NALCN: variants seen among roughly 807,000 people sequenced by gnomAD.
NALCN encodes sodium leak channel, non-selective.
NALCN carries 111 observed loss-of-function variants against 225.3 expected under a neutral mutation model. The observed-to-expected ratio is 0.49, with a 90% CI of 0.42 to 0.58. The LOEUF (loss-of-function observed/expected upper bound fraction) is 0.58, where lower values mean the gene tolerates loss of function less well. NALCN is among the 20% of genes least tolerant of loss of function. The pLI, the probability that NALCN is intolerant of heterozygous loss-of-function variation, is 0.00. For synonymous variants in NALCN, 764 were observed against 769.0 expected (o/e 0.99, Z 0.11); for missense variants, 1,378 against 2,202.4 (o/e 0.63, Z 7.49).
chr13:101,238,066 A>G (rs1016170091), intron 11 of NALCN, 144 bp from the exon 12 acceptor site: 1 of 628,122 alleles, frequency 1.6e-6, no homozygotes, highest in Non-Finnish European at 2.7e-6. Flanking sequence ...ATTTTACTTT[A>G]AGAATGCATT....
rs2044365971 is a variant in NALCN at position 101,312,031 on chromosome 13, T to A, written c.800-19665A>T. 2.0e-5 allele frequency among the ~76,000 whole-genome samples: 3 copies of A among 152,350 alleles called. No homozygotes were observed. In the South Asian group the frequency reaches 6.2e-4, roughly 32 times the overall value. The stretch of plus-strand genomic sequence containing the variant: ...GGTAAGCTATTGATTATTGCCACAA[T>A]TTCAGAGCCTGTTATTGGTCTATTC... On this transcript the variant is annotated intron_variant, in intron 7 of 43. Coordinates refer to ENST00000251127, the MANE Select transcript of NALCN (RefSeq NM_052867.4).
chr13:101,373,613 G>T (rs1032484074), intron 6 of NALCN, among the ~76,000 whole-genome samples: 2 of 152,120 alleles, frequency 1.3e-5, no homozygotes, highest in African/African-American at 4.8e-5. Flanking sequence ...AGGAATTAAA[G>T]GTAACTTCCT....
chr13:101,132,887 C>T (rs2036585614), intron 17 of NALCN, among the ~76,000 whole-genome samples: 1 of 152,116 alleles, frequency 6.6e-6, no homozygotes, highest in African/African-American at 2.4e-5. Flanking sequence ...ATTCTCACAT[C>T]CTAATGCAAA....
Position 101,176,384 on chromosome 13 carries a change from GGT to G in NALCN, c.1765-12_1765-11del, listed in dbSNP as rs1301032114. The G allele has an allele frequency of 1.3e-6, 2 of 1,580,140 alleles. No homozygotes were observed. On this transcript the variant is annotated splice_polypyrimidine_tract_variant and intron_variant, in intron 14 of 43. Coordinates refer to ENST00000251127, the MANE Select transcript of NALCN (RefSeq NM_052867.4). ...ACAAACTCAGGAGGATCTATAAAAT[GGT>G]GAAATAACAATGAAAAAACCCACAT...
At chr13:101,156,524 T>G (rs2037909954) in intron 15 of NALCN, among the ~76,000 whole-genome samples, 1 of 151,868 alleles carries the variant, frequency 6.6e-6, no homozygotes, top group Admixed American at 6.6e-5. Context: ...CAACCATATG[T>G]ATGCAGGTAT....
rs777751467 is a variant in NALCN, at chr13:101,284,008, T to G, written c.1059A>C (p.Glu353Asp). The G allele has an allele frequency of 2.5e-6, 4 of 1,613,266 alleles. No individual in the cohort carries two copies. The East Asian group carries it at 8.9e-5, about 36-fold the overall frequency. ...TSTATTQMFH[E>D]DAAGGWQLVA... ...CCAGCTGCCAACCTCCAGCAGCATCTTCATGAAACATCTTCAAGACAAAGA... is the reference window on the plus strand; with the variant it reads ...CCAGCTGCCAACCTCCAGCAGCATCGTCATGAAACATCTTCAAGACAAAGA... Residue 353 changes from glutamate to aspartate, a missense_variant, in exon 10 of 44, where the codon GAA becomes GAC. By Grantham distance (45) the Glu-to-Asp change is conservative (BLOSUM62 2). This residue lies in a region of NALCN where 144 missense variants were observed against 187.7 expected (regional missense o/e 0.77). Coordinates refer to ENST00000251127, the MANE Select transcript of NALCN (RefSeq NM_052867.4).
At chr13:101,344,302 A>C (rs1201593044) in intron 7 of NALCN, among the ~76,000 whole-genome samples, 1 of 152,176 alleles carries the variant, frequency 6.6e-6, no homozygotes, top group Non-Finnish European at 1.5e-5. Context: ...ATAGGAGACA[A>C]TATTACTGGT....
At chr13:101,226,877 C>G (rs1356106676) in intron 13 of NALCN, among the ~76,000 whole-genome samples, 1 of 152,188 alleles carries the variant, frequency 6.6e-6, no homozygotes, top group Admixed American at 6.5e-5. Flanking sequence ...CACTTTCCTC[C>G]ATGCTGGCTC....
intron 10 of NALCN, among the ~76,000 whole-genome samples, chr13:101,271,600 C>T (rs934686433): frequency 2.1e-5 from 3 of 145,466 alleles, no homozygotes; most frequent in Admixed American, 1.4e-4. Context: ...AATGTGTGTG[C>T]GCCTGTGTGT....
intron 1 of NALCN, among the ~76,000 whole-genome samples, chr13:101,402,804 G>A (rs2047513163): frequency 6.6e-6 from 1 of 152,174 alleles, no homozygotes; most frequent in African/African-American, 2.4e-5. Context: ...AGCGACATGA[G>A]CCAGGCATCC....
chr13:101,057,962 A>G lies in NALCN; in HGVS notation c.5000T>C (p.Phe1667Ser). The change falls in exon 43 of 44, where the codon TTT becomes TCT. Residue 1667 changes from phenylalanine (F) to serine (S), a missense_variant. Physicochemically the swap from Phe to Ser is radical, Grantham distance 155 (BLOSUM62 -2). Coordinates refer to ENST00000251127, the MANE Select transcript of NALCN (RefSeq NM_052867.4). ...AADAGKPQRK[F>S]GQWRLPSAPK... ...ACCTGAGGGCAGACGCCACTGCCCAAATTTCCTCTGGGGTTTCCCTGCGTC... is the reference window on the plus strand; with the variant it reads ...ACCTGAGGGCAGACGCCACTGCCCAGATTTCCTCTGGGGTTTCCCTGCGTC... 6.2e-7 allele frequency: 1 copy of G among 1,613,956 alleles called. No homozygotes were observed. Among genetic ancestry groups the G allele is most frequent in the Non-Finnish European group, 8.5e-7 (1 of 1,180,002 alleles).
intron 7 of NALCN, among the ~76,000 whole-genome samples, chr13:101,313,783 C>G (rs1411294302): frequency 6.6e-6 from 1 of 152,090 alleles, no homozygotes; most frequent in African/African-American, 2.4e-5. Flanking sequence ...ACTAGAAATA[C>G]CATTTGACCC....
intron 40 of NALCN, among the ~76,000 whole-genome samples, chr13:101,065,062 T>A (rs1198174803): frequency 1.3e-5 from 2 of 152,114 alleles, no homozygotes; most frequent in Non-Finnish European, 2.9e-5. Flanking sequence ...GTCACTCAGC[T>A]CTTCTGGGCA....
intron 14 of NALCN, among the ~76,000 whole-genome samples, chr13:101,183,490 C>T (rs1220197929): frequency 2.6e-5 from 4 of 152,176 alleles, no homozygotes; most frequent in Admixed American, 1.3e-4. Flanking sequence ...GGCAGAGTCT[C>T]TCTCTGTCCC....
At chr13:101,362,491 A>G (rs1250114928) in intron 6 of NALCN, among the ~76,000 whole-genome samples, 2 of 152,122 alleles carry the variant, frequency 1.3e-5, no homozygotes, top group Non-Finnish European at 2.9e-5. Context: ...AACAAAAACC[A>G]TGTTATTATT....
chr13:101,099,640 A>T (rs1421291209), intron 27 of NALCN, among the ~76,000 whole-genome samples: 1 of 152,212 alleles, frequency 6.6e-6, no homozygotes. Flanking sequence ...ATATTACAAA[A>T]ATTGTCTAAT....
chr13:101,259,581 G>T (rs527477381), intron 10 of NALCN, among the ~76,000 whole-genome samples: 73 of 151,342 alleles, frequency 4.8e-4, no homozygotes, highest in Non-Finnish European at 1.0e-3. Flanking sequence ...TGATCCGCCC[G>T]CCTCGGCCTC....
chr13:101,256,086 G>A (rs2042219255), intron 11 of NALCN, among the ~76,000 whole-genome samples: 1 of 152,092 alleles, frequency 6.6e-6, no homozygotes, highest in Admixed American at 6.6e-5. Flanking sequence ...AGCTTCAACA[G>A]TCGTTTCCAT....
intron 7 of NALCN, among the ~76,000 whole-genome samples, chr13:101,297,655 T>A (rs1313368284): frequency 6.6e-6 from 1 of 152,190 alleles, no homozygotes; most frequent in Non-Finnish European, 1.5e-5. Flanking sequence ...GAATTAGTCC[T>A]TGCACCCCCT....
Sources: allele counts gnomAD v4.1 joint callset (sites outside exome capture counted in the v4.1 genomes callset), GRCh38; gene constraint gnomAD v4.1.1; regional missense constraint gnomAD v4.1.1; transcripts MANE v1.5; gene names NCBI Gene and HGNC (gene_info 2026-07-23, HGNC 2026-07-21).